Variants in NALF1 observed in about 807,000 individuals in gnomAD.
NALF1 encodes NALCN channel auxiliary factor 1.
NALF1 carries 3 observed loss-of-function variants against 48.4 expected under a neutral mutation model. The observed-to-expected ratio is 0.06, with a 90% CI of 0.03 to 0.16. The LOEUF (loss-of-function observed/expected upper bound fraction) is 0.16. NALF1 is among the 10% of genes least tolerant of loss of function. The probability of loss-of-function intolerance (pLI) is 1.00; values close to 1 mark genes in which losing one functional copy is unlikely to be tolerated. For missense variants in NALF1, 526 were observed against 571.5 expected (o/e 0.92, Z 0.81); for synonymous variants, 262 against 245.7 (o/e 1.07, Z -0.62).
chr13:107,827,349 C>A (rs895386894), intron 1 of NALF1, among the ~76,000 whole-genome samples: 1 of 152,214 alleles, frequency 6.6e-6, no homozygotes, highest in Non-Finnish European at 1.5e-5. Context: ...TATGGTTCAT[C>A]TGACCTGAAA....
intron 1 of NALF1, among the ~76,000 whole-genome samples, chr13:107,650,838 T>C (rs1050744073): frequency 2.6e-5 from 4 of 152,040 alleles, no homozygotes; most frequent in Admixed American, 6.6e-5. Flanking sequence ...AAACCAAATA[T>C]ATCATGCCTC....
At chr13:107,219,761 C>T (rs772554231) in intron 1 of NALF1, among the ~76,000 whole-genome samples, 2 of 151,684 alleles carry the variant, frequency 1.3e-5, no homozygotes, top group Non-Finnish European at 2.9e-5. Flanking sequence ...TTCATAAAAC[C>T]AAAGAGAAAG....
intron 1 of NALF1, among the ~76,000 whole-genome samples, chr13:107,647,765 T>C (rs1880350187): frequency 1.3e-5 from 2 of 152,130 alleles, no homozygotes; most frequent in African/African-American, 4.8e-5. Context: ...ATTATGGGTG[T>C]ATAGTAAACA....
intron 1 of NALF1, among the ~76,000 whole-genome samples, chr13:107,811,298 T>A (rs1878983268): frequency 6.6e-6 from 1 of 152,158 alleles, no homozygotes; most frequent in Non-Finnish European, 1.5e-5. Context: ...TTATTTCTCT[T>A]TTGTCCACTT....
rs552986787 is a variant in NALF1 at position 107,736,939 on chromosome 13, C to A, written c.915+128743G>T. 2.0e-5 allele frequency among the ~76,000 whole-genome samples: 3 copies of A among 152,288 alleles called. No homozygotes were observed. The East Asian group carries it at 5.8e-4, about 29-fold the overall frequency. On this transcript the variant is annotated intron_variant, in intron 1 of 2. Transcript: ENST00000375915. ...AACTTGGCAGGGGATTCCCACACAG[C>A]GAGGAAACCTTAATGGCCTGCCAAC...
intron 1 of NALF1, among the ~76,000 whole-genome samples, chr13:107,482,788 T>C (rs1336525404): frequency 1.3e-5 from 2 of 152,264 alleles, no homozygotes; most frequent in African/African-American, 4.8e-5. Flanking sequence ...GAGAAGAATA[T>C]GAGAAAACGC....
chr13:107,789,539 G>GA (rs1878169630), intron 1 of NALF1, among the ~76,000 whole-genome samples: 1 of 152,156 alleles, frequency 6.6e-6, no homozygotes, highest in Non-Finnish European at 1.5e-5. Flanking sequence ...ATACAGGCTA[G>GA]AAAGAGCAAG....
At chr13:107,398,921 A>G (rs1883757992) in intron 1 of NALF1, among the ~76,000 whole-genome samples, 1 of 152,190 alleles carries the variant, frequency 6.6e-6, no homozygotes, top group Non-Finnish European at 1.5e-5. Context: ...AGGAAGGCTG[A>G]ATTCAAAAGA....
intron 1 of NALF1, among the ~76,000 whole-genome samples, chr13:107,708,750 C>G (rs927639026): frequency 6.6e-6 from 1 of 151,850 alleles, no homozygotes; most frequent in African/African-American, 2.4e-5. Flanking sequence ...TTCTAAGTTC[C>G]AGGGTACATG....
At chr13:107,699,512 A>G (rs1436935440) in intron 1 of NALF1, among the ~76,000 whole-genome samples, 1 of 152,068 alleles carries the variant, frequency 6.6e-6, no homozygotes. Context: ...TCAAGCAAGA[A>G]CCCCCACAGA....
chr13:107,741,493 C>G (rs1369335007), intron 1 of NALF1, among the ~76,000 whole-genome samples: 1 of 143,554 alleles, frequency 7.0e-6, no homozygotes, highest in Non-Finnish European at 1.5e-5. Flanking sequence ...TAGGAGCAAT[C>G]AGGTGAGAAA....
chr13:107,318,993 A>G (rs1882202473), intron 1 of NALF1, among the ~76,000 whole-genome samples: 1 of 152,106 alleles, frequency 6.6e-6, no homozygotes, highest in African/African-American at 2.4e-5. Context: ...ACATAGACGT[A>G]TGATTGTCCA....
chr13:107,532,142 T>C (rs781345200), intron 1 of NALF1, among the ~76,000 whole-genome samples: 13 of 151,944 alleles, frequency 8.6e-5, no homozygotes, highest in Non-Finnish European at 1.6e-4. Flanking sequence ...TCCAAGTTTC[T>C]TGCAGACAAC....
chr13:107,594,685 A>T (rs527912166), intron 1 of NALF1, among the ~76,000 whole-genome samples: 18 of 152,206 alleles, frequency 1.2e-4, no homozygotes, highest in Non-Finnish European at 2.2e-4. Context: ...TTAAAGCATA[A>T]AACCTCTTAC....
intron 1 of NALF1, among the ~76,000 whole-genome samples, chr13:107,611,977 GAA>G (rs1594159972): frequency 1.4e-5 from 2 of 143,266 alleles, no homozygotes; most frequent in East Asian, 4.8e-4. Flanking sequence ...AGAAAGAAGA[GAA>G]GAGAAGAGGA....
intron 1 of NALF1, among the ~76,000 whole-genome samples, chr13:107,693,710 A>C (rs1202340186): frequency 6.6e-6 from 1 of 151,802 alleles, no homozygotes; most frequent in Non-Finnish European, 1.5e-5. Flanking sequence ...TCTAATTGCC[A>C]CAGAACTTGG....
At chr13:107,221,719 G>A (rs1047351811) in intron 1 of NALF1, among the ~76,000 whole-genome samples, 3 of 152,100 alleles carry the variant, frequency 2.0e-5, no homozygotes, top group Non-Finnish European at 2.9e-5. Context: ...GAGAATGTAA[G>A]CAATATGGAC....
intron 1 of NALF1, among the ~76,000 whole-genome samples, chr13:107,319,106 G>T (rs1448168036): frequency 6.6e-6 from 1 of 152,058 alleles, no homozygotes; most frequent in African/African-American, 2.4e-5. Flanking sequence ...GTGTCTCTCA[G>T]CATTGTTTGA....
intron 1 of NALF1, among the ~76,000 whole-genome samples, chr13:107,803,758 T>G (rs1878690173): frequency 6.6e-6 from 1 of 152,176 alleles, no homozygotes; most frequent in Non-Finnish European, 1.5e-5. Context: ...TAAACGTTAA[T>G]GAGCACCATT....
Sources: allele counts gnomAD v4.1 joint callset (sites outside exome capture counted in the v4.1 genomes callset), GRCh38; gene constraint gnomAD v4.1.1; transcripts MANE v1.5; gene names NCBI Gene and HGNC (gene_info 2026-07-23, HGNC 2026-07-21).